Variants in LOC128462377 observed in about 807,000 individuals in gnomAD.
the LOC128462377 span, among the ~76,000 whole-genome samples, chr16:89,404,301 C>T: frequency 3.9e-5 from 6 of 152,130 alleles, no homozygotes; most frequent in Admixed American, 2.6e-4. Context: ...ACTCTGAGAA[C>T]ATCAACATCT....
At chr16:89,325,624 G>A in the LOC128462377 span, among the ~76,000 whole-genome samples, 12 of 152,360 alleles carry the variant, frequency 7.9e-5, no homozygotes, top group Non-Finnish European at 1.5e-4. Context: ...GCTGCCTGGC[G>A]GATGGAATTG....
At chr16:89,375,955 G>A in the LOC128462377 span, among the ~76,000 whole-genome samples, 4 of 152,236 alleles carry the variant, frequency 2.6e-5, no homozygotes, top group African/African-American at 9.6e-5. Flanking sequence ...TGCGTGACAC[G>A]CCGCAGCCTG....
At chr16:89,384,552 G>GATGGC in the LOC128462377 span, among the ~76,000 whole-genome samples, 4 of 151,758 alleles carry the variant, frequency 2.6e-5, no homozygotes, top group Non-Finnish European at 5.9e-5. Flanking sequence ...GATGGGATGG[G>GATGGC]ATGGGAATGG....
the LOC128462377 span, among the ~76,000 whole-genome samples, chr16:89,407,694 C>A: frequency 1.3e-5 from 2 of 152,008 alleles, no homozygotes; most frequent in African/African-American, 4.8e-5. Context: ...CATAGACACA[C>A]ACAGAATTAG....
chr16:89,378,017 G>A, the LOC128462377 span, among the ~76,000 whole-genome samples: 2 of 151,934 alleles, frequency 1.3e-5, no homozygotes, highest in African/African-American at 4.8e-5. Context: ...CTTTTCTCTA[G>A]CTTACTTTAC....
At chr16:89,334,832 C>T in the LOC128462377 span, among the ~76,000 whole-genome samples, 11 of 152,248 alleles carry the variant, frequency 7.2e-5, no homozygotes, top group East Asian at 9.7e-4. Flanking sequence ...CCACAACACA[C>T]GGGGCGCACG....
chr16:89,334,386 G>A, the LOC128462377 span, among the ~76,000 whole-genome samples: 53 of 151,998 alleles, frequency 3.5e-4, no homozygotes, highest in Non-Finnish European at 6.2e-4. Flanking sequence ...CTCCTCTCAG[G>A]TTCTGAGTGG....
the LOC128462377 span, among the ~76,000 whole-genome samples, chr16:89,391,381 G>A: frequency 2.0e-5 from 3 of 152,154 alleles, no homozygotes; most frequent in Non-Finnish European, 4.4e-5. Flanking sequence ...CCTCTCCCTG[G>A]TGGACCCCGT....
the LOC128462377 span, chr16:89,403,841 G>A: frequency 6.6e-6 from 1 of 152,120 alleles, no homozygotes; most frequent in Non-Finnish European, 1.5e-5. Context: ...GCTGAGGAAG[G>A]GGCATCATTT....
At chr16:89,325,469 T>TCACACA in the LOC128462377 span, among the ~76,000 whole-genome samples, 560 of 147,734 alleles carry the variant, frequency 3.8e-3, 3 homozygotes, top group African/African-American at 0.014. Context: ...TCTCTCTCTC[T>TCACACA]CACACACACA....
the LOC128462377 span, among the ~76,000 whole-genome samples, chr16:89,364,476 A>C: frequency 6.6e-6 from 1 of 152,250 alleles, no homozygotes; most frequent in East Asian, 1.9e-4. Context: ...ACACAGATTT[A>C]ACTCCAGAGC....
chr16:89,375,098 G>A, the LOC128462377 span, among the ~76,000 whole-genome samples: 7 of 152,056 alleles, frequency 4.6e-5, no homozygotes, highest in African/African-American at 1.4e-4. Context: ...ACGTAACGTC[G>A]CAGGCTCAAG....
At chr16:89,363,158 G>T in the LOC128462377 span, among the ~76,000 whole-genome samples, 2 of 152,062 alleles carry the variant, frequency 1.3e-5, no homozygotes, top group Admixed American at 1.3e-4. Context: ...CTGGGAACAC[G>T]CCTATCCCTG....
chr16:89,387,220 G>A, the LOC128462377 span, among the ~76,000 whole-genome samples: 1 of 151,268 alleles, frequency 6.6e-6, no homozygotes, highest in Non-Finnish European at 1.5e-5. Context: ...AAGATCTGGA[G>A]TGCCAAGTTA....
the LOC128462377 span, among the ~76,000 whole-genome samples, chr16:89,407,156 G>A: frequency 6.6e-6 from 1 of 151,706 alleles, no homozygotes; most frequent in Non-Finnish European, 1.5e-5. Flanking sequence ...CTGCACTCCA[G>A]CCTGGGCAAC....
At chr16:89,351,624 G>A in the LOC128462377 span, among the ~76,000 whole-genome samples, 3 of 152,192 alleles carry the variant, frequency 2.0e-5, no homozygotes, top group Non-Finnish European at 2.9e-5. Context: ...TGCTGCTGTG[G>A]GCACTGCAGA....
the LOC128462377 span, among the ~76,000 whole-genome samples, chr16:89,385,288 C>A: frequency 6.6e-6 from 1 of 151,892 alleles, no homozygotes; most frequent in Non-Finnish European, 1.5e-5. Context: ...GCCACCATGC[C>A]CAACTAATTT....
the LOC128462377 span, among the ~76,000 whole-genome samples, chr16:89,367,267 C>T: frequency 1.3e-5 from 2 of 152,224 alleles, no homozygotes; most frequent in Admixed American, 6.5e-5. Flanking sequence ...GGTAGAGCGC[C>T]GCTCCAGACT....
chr16:89,346,109 C>CGAG, the LOC128462377 span, among the ~76,000 whole-genome samples: 3 of 151,718 alleles, frequency 2.0e-5, no homozygotes, highest in African/African-American at 4.8e-5. Context: ...ATTAGCCGGG[C>CGAG]GTGGTGCCGG....
Sources: gnomAD v4.1 joint callset for allele counts (sites outside exome capture counted in the v4.1 genomes callset) on GRCh38, gnomAD v4.1.1 for gene constraint, MANE v1.5 for transcripts.